FAM135A: variants seen among roughly 807,000 people sequenced by gnomAD.
FAM135A encodes protein FAM135A.
Under a neutral mutation model 146.8 loss-of-function variants are expected in FAM135A, and 79 were observed. That is an observed-to-expected ratio of 0.54 (90% confidence interval 0.45 to 0.65). The LOEUF (loss-of-function observed/expected upper bound fraction) is 0.65. Among genes scored for constraint, FAM135A ranks in the 30% least tolerant of loss-of-function variants. The pLI, the probability that FAM135A is intolerant of heterozygous loss-of-function variation, is 0.00. For synonymous variants in FAM135A, 562 were observed against 603.6 expected (o/e 0.93, Z 1.01); for missense variants, 1,623 against 1,758.2 (o/e 0.92, Z 1.38).
intron 12 of FAM135A, among the ~76,000 whole-genome samples, chr6:70,518,408 A>G (rs1044587033): frequency 1.4e-4 from 21 of 152,236 alleles, no homozygotes; most frequent in African/African-American, 5.1e-4. Flanking sequence ...TAAGGCAGCA[A>G]GTTCTGATGG....
chr6:70,528,382 T>C lies in FAM135A; in HGVS notation c.3705T>C (p.Tyr1235=). ...EVPLLASSVP[Y]FSVEEEDGSE... Reference sequence around the variant, plus strand: ...CTCTGCTGGCATCCTCAGTACCTTATTTTAGTGTAGAAGAAGAGGATGGTT... The same window carrying C: ...CTCTGCTGGCATCCTCAGTACCTTACTTTAGTGTAGAAGAAGAGGATGGTT... The change falls in exon 16 of 22, where the codon TAT becomes TAC. Residue 1235 remains tyrosine, a synonymous_variant. Transcript: ENST00000418814. 1 of 1,613,720 alleles carries C rather than the reference T, an allele frequency of 6.2e-7. No individual in the cohort carries two copies. Among genetic ancestry groups the C allele is most frequent in the Non-Finnish European group, 8.5e-7 (1 of 1,179,778 alleles).
At position 70,463,017 on chromosome 6, in the gene FAM135A, G is replaced by A. The variant is rs565515699; in HGVS notation, c.157+10446G>A. ...TCCTTTGAGAGCCACTGAAATGTTG[G>A]GATAGTTCTGCTGTGTTAAGATTTT... On this transcript the variant is annotated intron_variant, in intron 5 of 21. Coordinates refer to ENST00000418814, the MANE Select transcript of FAM135A (RefSeq NM_001162529.3). Among the ~76,000 whole-genome samples the A allele has an allele frequency of 2.0e-5, 3 of 152,212 alleles. No individual in the cohort carries two copies. The East Asian group carries it at 5.8e-4, about 29-fold the overall frequency.
At chr6:70,428,891 T>G (rs1476905920) in intron 4 of FAM135A, among the ~76,000 whole-genome samples, 3 of 152,224 alleles carry the variant, frequency 2.0e-5, no homozygotes, top group Admixed American at 2.0e-4. Context: ...TGTTGGGTAT[T>G]TCATTTGTTT....
chr6:70,508,488 T>C (rs1434524803), intron 12 of FAM135A, among the ~76,000 whole-genome samples: 2 of 152,182 alleles, frequency 1.3e-5, no homozygotes. Context: ...CCATATTTAA[T>C]ATTGATTGTA....
chr6:70,492,675 A>T lies in FAM135A; in HGVS notation c.873+1592A>T, dbSNP rs545251598. On this transcript the variant is annotated intron_variant, in intron 11 of 21. Coordinates refer to ENST00000418814, the MANE Select transcript of FAM135A (RefSeq NM_001162529.3). ...CCCTTGTAAAAAAAAAAAAAAAAGG[A>T]TACAATGAGGCAGTGTACAAATAAC... is the stretch of plus-strand genomic sequence containing the variant. Among the ~76,000 whole-genome samples, 3 of 148,926 alleles carry T rather than the reference A, an allele frequency of 2.0e-5. No homozygotes were observed. In the East Asian group the frequency reaches 5.8e-4, roughly 29 times the overall value.
At position 70,524,940 on chromosome 6, in the gene FAM135A, A is replaced by G. The variant is rs1366288688; in HGVS notation, c.1856A>G (p.Asp619Gly). ...CANLSISGKL[D>G]ISQDDSEITQ... ...AATTTGTCCATTTCAGGTAAACTTG[A>G]TATCTCCCAGGACGATAGTGAAATT... Residue 619 changes from aspartate to glycine, a missense_variant, in exon 15 of 22, where the codon GAT (aspartate) becomes GGT (glycine). Asp to Gly is a moderately conservative substitution (Grantham distance 94). Transcript: ENST00000418814. 1.9e-6 allele frequency: 3 copies of G among 1,611,368 alleles called. No individual in the cohort carries two copies. Among genetic ancestry groups the G allele is most frequent in the Admixed American group, 1.7e-5 (1 of 59,626 alleles).
chr6:70,414,704 G>A (rs1221472072), intron 1 of FAM135A, among the ~76,000 whole-genome samples: 1 of 152,034 alleles, frequency 6.6e-6, no homozygotes, highest in Non-Finnish European at 1.5e-5. Context: ...TTTACCGGTT[G>A]GTGGAAGTAT....
intron 5 of FAM135A, among the ~76,000 whole-genome samples, chr6:70,463,200 G>A (rs576362037): frequency 5.3e-5 from 8 of 152,020 alleles, no homozygotes; most frequent in African/African-American, 1.4e-4. Flanking sequence ...TTTTAAAACC[G>A]TAGGTAACTC....
intron 12 of FAM135A, among the ~76,000 whole-genome samples, chr6:70,521,669 AT>A (rs1582729780): frequency 6.6e-6 from 1 of 152,206 alleles, no homozygotes; most frequent in Admixed American, 6.5e-5. Flanking sequence ...TGTAGATGTA[AT>A]ATAATTTCTC....
chr6:70,453,542 C>T (rs866464050), intron 5 of FAM135A, among the ~76,000 whole-genome samples: 1 of 151,966 alleles, frequency 6.6e-6, no homozygotes, highest in African/African-American at 2.4e-5. Context: ...TTAGGTGTTT[C>T]TCCTAATGCT....
intron 20 of FAM135A, among the ~76,000 whole-genome samples, chr6:70,546,014 CT>C (rs1215981300): frequency 1.3e-5 from 2 of 151,918 alleles, no homozygotes; most frequent in Non-Finnish European, 2.9e-5. Context: ...TGAAACAAGT[CT>C]CTCGAACTAT....
chr6:70,528,720 C>CT (rs1233011779), intron 16 of FAM135A, among the ~76,000 whole-genome samples: 18 of 150,528 alleles, frequency 1.2e-4, no homozygotes, highest in African/African-American at 3.4e-4. Context: ...TTTCATTATA[C>CT]TTTAAGTTCT....
chr6:70,422,352 T>C (rs1338074062), intron 2 of FAM135A, among the ~76,000 whole-genome samples: 2 of 152,220 alleles, frequency 1.3e-5, no homozygotes, highest in Non-Finnish European at 2.9e-5. Context: ...TTTTTTCCCT[T>C]GCTCTCTTTT....
chr6:70,536,380 A>C lies in FAM135A; in HGVS notation c.4086A>C (p.Thr1362=). The C allele has an allele frequency of 3.1e-6, 5 of 1,611,956 alleles. No individual in the cohort carries two copies. Among genetic ancestry groups the C allele is most frequent in the Non-Finnish European group, 4.2e-6 (5 of 1,179,210 alleles). Residue 1362 remains threonine, a synonymous_variant, in exon 19 of 22, where the codon ACA becomes ACC. Coordinates refer to ENST00000418814, the MANE Select transcript of FAM135A (RefSeq NM_001162529.3). ...CTCTTTCTGGACCTCACCTTGGTACACTCTACAACAGCAGTGCTCTTGTTA... is the reference window on the plus strand; with the variant it reads ...CTCTTTCTGGACCTCACCTTGGTACCCTCTACAACAGCAGTGCTCTTGTTA... ...FLSLSGPHLG[T]LYNSSALVNT...
chr6:70,515,801 A>T (rs1037614384), intron 12 of FAM135A, among the ~76,000 whole-genome samples: 1 of 152,152 alleles, frequency 6.6e-6, no homozygotes, highest in Non-Finnish European at 1.5e-5. Flanking sequence ...AAACAAATGT[A>T]CCACAGTAAC....
At chr6:70,502,940 T>C in intron 12 of FAM135A, 149 bp downstream of exon 12, 1 of 790,286 alleles carries the variant, frequency 1.3e-6, no homozygotes, top group Non-Finnish European at 1.9e-6. Flanking sequence ...ACTTCCAAAA[T>C]TAATAATAGA....
chr6:70,488,625 C>T (rs1312555140), intron 10 of FAM135A, among the ~76,000 whole-genome samples: 1 of 152,084 alleles, frequency 6.6e-6, no homozygotes, highest in African/African-American at 2.4e-5. Flanking sequence ...CTAGTACTTA[C>T]CAACTAATGG....
chr6:70,519,109 TATC>T (rs1164867391), intron 12 of FAM135A, among the ~76,000 whole-genome samples: 15 of 152,322 alleles, frequency 9.8e-5, no homozygotes, highest in African/African-American at 3.1e-4. Flanking sequence ...GAGGTCAAAA[TATC>T]AACATGAACA....
At chr6:70,483,222 A>G (rs1307806347) in intron 10 of FAM135A, among the ~76,000 whole-genome samples, 1 of 152,150 alleles carries the variant, frequency 6.6e-6, no homozygotes, top group Non-Finnish European at 1.5e-5. Context: ...AAGTGCATTT[A>G]ATTAATTAAT....
Sources: gnomAD v4.1 joint callset for allele counts (sites outside exome capture counted in the v4.1 genomes callset) on GRCh38, gnomAD v4.1.1 for gene constraint, MANE v1.5 for transcripts, NCBI Gene and HGNC (gene_info 2026-07-23, HGNC 2026-07-21) for gene names.